Variants in IGSF21 observed in about 807,000 individuals in gnomAD.
The protein encoded by IGSF21 is immunoglobulin superfamily member 21.
A neutral mutation model predicts 46.8 loss-of-function variants in IGSF21; 28 were observed. The ratio of observed to expected loss-of-function variants is 0.60; its 90% confidence interval spans 0.44 to 0.82. IGSF21 has a LOEUF of 0.82. IGSF21 is among the 40% of genes least tolerant of loss of function. IGSF21 has a pLI of 0.00. For missense variants in IGSF21, 624 were observed against 665.5 expected (o/e 0.94, Z 0.69); for synonymous variants, 284 against 273.6 (o/e 1.04, Z -0.38).
At chr1:18,166,663 GA>G (rs2086681708) in intron 1 of IGSF21, among the ~76,000 whole-genome samples, 1 of 152,112 alleles carries the variant, frequency 6.6e-6, no homozygotes, top group Admixed American at 6.5e-5. Flanking sequence ...CCATGGCACC[GA>G]GGGCCTGAGG....
chr1:18,280,325 C>A (rs2085146974), intron 2 of IGSF21, among the ~76,000 whole-genome samples: 1 of 152,158 alleles, frequency 6.6e-6, no homozygotes, highest in South Asian at 2.1e-4. Flanking sequence ...CTCTTCTCTC[C>A]AACCCAATGC....
chr1:18,261,614 C>T (rs891502112), intron 2 of IGSF21, among the ~76,000 whole-genome samples: 6 of 152,208 alleles, frequency 3.9e-5, no homozygotes, highest in African/African-American at 9.7e-5. Context: ...CTATGACTCT[C>T]GGTGCACTGC....
rs373134095 is a variant in IGSF21, at chr1:18,299,845, C to T, written c.305+7858C>T. Among the ~76,000 whole-genome samples the T allele has an allele frequency of 1.1e-4, 16 of 152,270 alleles. No homozygotes were observed. The East Asian group carries it at 2.3e-3, about 22-fold the overall frequency. On this transcript the variant is annotated intron_variant, in intron 3 of 9. Coordinates refer to ENST00000251296, the MANE Select transcript of IGSF21 (RefSeq NM_032880.5). The stretch of plus-strand genomic sequence containing the variant: ...CCACCCCAAGTGGGAACCTGGTCCC[C>T]CTCTCAAAATCAGGGGTGATTTTAG...
At chr1:18,191,489 ACT>A (rs2086955835) in intron 1 of IGSF21, among the ~76,000 whole-genome samples, 1 of 151,778 alleles carries the variant, frequency 6.6e-6, no homozygotes, top group South Asian at 2.1e-4. Flanking sequence ...TTTGCTGAAG[ACT>A]CTGGGGGAAG....
intron 2 of IGSF21, among the ~76,000 whole-genome samples, chr1:18,282,639 C>G (rs576749506): frequency 7.2e-6 from 1 of 138,364 alleles, no homozygotes; most frequent in Non-Finnish European, 1.5e-5. Context: ...CTTACATACA[C>G]ACACACACAC....
chr1:18,350,648 C>G (rs1254085461), intron 4 of IGSF21, among the ~76,000 whole-genome samples: 1 of 151,874 alleles, frequency 6.6e-6, no homozygotes, highest in Non-Finnish European at 1.5e-5. Flanking sequence ...AAATGCATCC[C>G]CCTCCCACAA....
At chr1:18,217,745 G>A (rs561751877) in intron 1 of IGSF21, among the ~76,000 whole-genome samples, 1 of 152,314 alleles carries the variant, frequency 6.6e-6, no homozygotes, top group East Asian at 1.9e-4. Context: ...AGGGGGAGTG[G>A]GTTGCCATGA....
intron 4 of IGSF21, among the ~76,000 whole-genome samples, chr1:18,336,246 G>C (rs1296979555): frequency 6.6e-6 from 1 of 152,198 alleles, no homozygotes; most frequent in Non-Finnish European, 1.5e-5. Flanking sequence ...CCTGCAACAT[G>C]CTGGAAGGAA....
chr1:18,229,223 G>A (rs1340556226), intron 2 of IGSF21, among the ~76,000 whole-genome samples: 1 of 152,196 alleles, frequency 6.6e-6, no homozygotes, highest in Non-Finnish European at 1.5e-5. Flanking sequence ...GCATGGAAGA[G>A]AGGGCAAGGA....
rs77936169 is a variant in IGSF21, at chr1:18,139,289, C to A, written c.70+31091C>A. Among the ~76,000 whole-genome samples, 137 of 152,220 alleles carry A rather than the reference C, an allele frequency of 9.0e-4. 3 individuals are homozygous for A. In the East Asian group the frequency reaches 0.026, roughly 29 times the overall value. ...AATTCTCATTTGGGCTGGGAAAATG[C>A]GGTCGCTGAACCAGAGGGATGGGAG... On this transcript the variant is annotated intron_variant, in intron 1 of 9. Transcript: ENST00000251296.
intron 1 of IGSF21, among the ~76,000 whole-genome samples, 187 bp from the exon 2 acceptor site, chr1:18,227,711 T>C (rs1477178282): frequency 1.3e-5 from 2 of 151,782 alleles, no homozygotes; most frequent in South Asian, 2.1e-4. Flanking sequence ...AAGAGGGTGA[T>C]TGGCTCCATT....
At chr1:18,239,167 C>T (rs1478136067) in intron 2 of IGSF21, among the ~76,000 whole-genome samples, 2 of 152,124 alleles carry the variant, frequency 1.3e-5, no homozygotes, top group African/African-American at 4.8e-5. Context: ...CTTTCCTATG[C>T]CCTGTTGGGT....
chr1:18,350,241 G>A (rs185721764), intron 4 of IGSF21, among the ~76,000 whole-genome samples: 2 of 152,324 alleles, frequency 1.3e-5, no homozygotes, highest in Non-Finnish European at 2.9e-5. Flanking sequence ...AGAGCCAGAT[G>A]GGCCAGGGGA....
intron 4 of IGSF21, among the ~76,000 whole-genome samples, chr1:18,359,386 G>A (rs1473955087): frequency 1.7e-5 from 1 of 57,854 alleles, no homozygotes; most frequent in Non-Finnish European, 3.6e-5. Context: ...AAGAAAGAAA[G>A]GAAGGAAGGA....
chr1:18,372,774 A>G (rs1418521488), intron 6 of IGSF21, among the ~76,000 whole-genome samples: 1 of 146,634 alleles, frequency 6.8e-6, no homozygotes, highest in Non-Finnish European at 1.5e-5. Context: ...GTTTGGATAG[A>G]TGTTTGGAGG....
intron 1 of IGSF21, among the ~76,000 whole-genome samples, chr1:18,126,151 A>C (rs1436079951): frequency 6.6e-6 from 1 of 152,130 alleles, no homozygotes; most frequent in Non-Finnish European, 1.5e-5. Flanking sequence ...CCACTTTGGG[A>C]GGCGAGAATG....
chr1:18,233,254 T>A (rs1205235591), intron 2 of IGSF21, among the ~76,000 whole-genome samples: 1 of 152,198 alleles, frequency 6.6e-6, no homozygotes, highest in Admixed American at 6.5e-5. Flanking sequence ...TTATCTCACC[T>A]TTTTCACCAT....
intron 3 of IGSF21, among the ~76,000 whole-genome samples, chr1:18,324,712 G>A (rs2124597541): frequency 6.6e-6 from 1 of 152,252 alleles, no homozygotes; most frequent in East Asian, 1.9e-4. Flanking sequence ...TAGCTCAAGG[G>A]AGGGTCTCCT....
At chr1:18,377,487 A>G in intron 9 of IGSF21, 56 bp downstream of exon 9, 2 of 1,438,626 alleles carry the variant, frequency 1.4e-6, no homozygotes, top group Non-Finnish European at 9.8e-7. Context: ...TTGAGGCGCC[A>G]GAAAGCTCTG....
Sources: gnomAD v4.1 joint callset for allele counts (sites outside exome capture counted in the v4.1 genomes callset) on GRCh38, gnomAD v4.1.1 for gene constraint, MANE v1.5 for transcripts, NCBI Gene and HGNC (gene_info 2026-07-23, HGNC 2026-07-21) for gene names.